Variants in SH3TC2 observed in about 807,000 individuals in gnomAD.
SH3TC2 encodes the protein SH3 domain and tetratricopeptide repeat-containing protein 2.
Under a neutral mutation model 124.5 loss-of-function variants are expected in SH3TC2, and 87 were observed. That is an observed-to-expected ratio of 0.70 (90% confidence interval 0.59 to 0.84). SH3TC2 has a LOEUF of 0.84. Among genes scored for constraint, SH3TC2 ranks in the 40% least tolerant of loss-of-function variants. The pLI is 0.00. For missense variants in SH3TC2, 1,536 were observed against 1,566.4 expected (o/e 0.98, Z 0.33); for synonymous variants, 634 against 628.5 (o/e 1.01, Z -0.13).
At chr5:149,052,324 G>T in intron 1 of SH3TC2, 84 bp from the exon 2 acceptor site, 1 of 1,058,534 alleles carries the variant, frequency 9.4e-7, no homozygotes, top group Non-Finnish European at 1.5e-6. Context: ...TTTTGGTCAA[G>T]TGACAAATTT....
chr5:149,034,039 C>T (rs765111121), intron 8 of SH3TC2, among the ~76,000 whole-genome samples: 13 of 151,586 alleles, frequency 8.6e-5, no homozygotes, highest in Middle Eastern at 3.2e-3. Context: ...ATTAACACTA[C>T]AAAAAACTAG....
At chr5:149,021,300 T>C (rs894749656) in intron 12 of SH3TC2, among the ~76,000 whole-genome samples, 1 of 152,098 alleles carries the variant, frequency 6.6e-6, no homozygotes. Context: ...CAGAGGAACA[T>C]TTATGGCTGT....
intron 9 of SH3TC2, among the ~76,000 whole-genome samples, chr5:149,030,774 C>T (rs1754177110): frequency 6.6e-6 from 1 of 152,264 alleles, no homozygotes; most frequent in South Asian, 2.1e-4. Flanking sequence ...ATCATCTAAT[C>T]TGGCTACACA....
chr5:149,011,032 C>G (rs552555946), intron 13 of SH3TC2, among the ~76,000 whole-genome samples: 5 of 152,296 alleles, frequency 3.3e-5, no homozygotes, highest in African/African-American at 1.2e-4. Flanking sequence ...CTCTAGCAAG[C>G]TATTTTGGAT....
chr5:149,038,569 A>G, intron 7 of SH3TC2, 79 bp from the exon 8 acceptor site: 1 of 1,446,754 alleles, frequency 6.9e-7, no homozygotes, highest in Non-Finnish European at 9.7e-7. Flanking sequence ...GCAATAGAAA[A>G]TGAGGGGTTC....
chr5:148,985,931 C>T lies in SH3TC2; in HGVS notation c.*18780G>A, dbSNP rs1280726104. On this transcript the variant is annotated 3_prime_UTR_variant, in exon 17 of 17. Coordinates refer to ENST00000515425, the MANE Select transcript of SH3TC2 (RefSeq NM_024577.4). Reference sequence around the variant, plus strand: ...AAAGACTTCATGTCTGTGCTGGGAGCAAAGTAACCTATAGATACCACTCGA... The same window carrying T: ...AAAGACTTCATGTCTGTGCTGGGAGTAAAGTAACCTATAGATACCACTCGA... Among the ~76,000 whole-genome samples the T allele has an allele frequency of 1.3e-5, 2 of 152,110 alleles. No homozygotes were observed. Among genetic ancestry groups the T allele is most frequent in the Non-Finnish European group, 2.9e-5 (2 of 68,020 alleles).
intron 1 of SH3TC2, among the ~76,000 whole-genome samples, chr5:149,053,653 T>C (rs995819819): frequency 2.0e-5 from 3 of 152,190 alleles, no homozygotes; most frequent in Non-Finnish European, 4.4e-5. Context: ...ACAAATCAAA[T>C]CTTCCCATAC....
rs1202851913 is a variant in SH3TC2, at chr5:148,994,786, C to T, written c.*9925G>A. Among the ~76,000 whole-genome samples, 1 of 151,480 alleles carries T rather than the reference C, an allele frequency of 6.6e-6. No individual in the cohort carries two copies. The highest frequency in any genetic ancestry group is 1.9e-4 in the East Asian group (1 of 5,164). ...TGAATAGATGGATAACCGTCTGCAT[C>T]CTCTGTCCCAAAGGAGCTAAACTCA... On this transcript the variant is annotated 3_prime_UTR_variant, in exon 17 of 17. Transcript: ENST00000515425.
Position 149,001,593 on chromosome 5 carries a change from A to C in SH3TC2, c.*3118T>G, listed in dbSNP as rs1295504472. 3.3e-5 allele frequency: 5 copies of C among 152,246 alleles called. No homozygotes were observed. The highest frequency in any genetic ancestry group is 3.3e-4 in the Admixed American group (5 of 15,292). The allele number at this position is 152,246 out of a possible 1,614,324, so 9.4% of individuals were successfully genotyped here. A position where few individuals can be genotyped will look rare whatever the true frequency, so the allele number is the denominator to read the frequency against. ...GGAATAGCTGGCCCACATTTCAAAAATGAAAATTTTAAACACTTTTTAAAA... is the reference window on the plus strand; with the variant it reads ...GGAATAGCTGGCCCACATTTCAAAACTGAAAATTTTAAACACTTTTTAAAA... On this transcript the variant is annotated 3_prime_UTR_variant, in exon 17 of 17. Transcript: ENST00000515425.
chr5:149,059,332 G>T (rs1754705820), intron 1 of SH3TC2, among the ~76,000 whole-genome samples: 2 of 152,066 alleles, frequency 1.3e-5, no homozygotes, highest in African/African-American at 4.8e-5. Flanking sequence ...AAAGTCTCGG[G>T]CCTCTGATCA....
chr5:149,018,891 T>G (rs959856707), intron 12 of SH3TC2, among the ~76,000 whole-genome samples: 5 of 152,232 alleles, frequency 3.3e-5, no homozygotes, highest in African/African-American at 1.2e-4. Context: ...GATAAAGTCT[T>G]CCCTGACAGA....
Position 148,990,135 on chromosome 5 carries a change from G to C in SH3TC2, c.*14576C>G, listed in dbSNP as rs1457149273. Among the ~76,000 whole-genome samples, 1 of 152,006 alleles carries C rather than the reference G, an allele frequency of 6.6e-6. No individual in the cohort carries two copies. The highest frequency in any genetic ancestry group is 1.5e-5 in the Non-Finnish European group (1 of 68,008). ...TAGCCCCAAAGTAGGTTTCATGATG[G>C]TATGCTCTGGGTGCGCTAGGCTACT... On this transcript the variant is annotated 3_prime_UTR_variant, in exon 17 of 17. Transcript: ENST00000515425.
intron 12 of SH3TC2, among the ~76,000 whole-genome samples, chr5:149,024,017 T>C (rs1242965148): frequency 6.6e-6 from 1 of 152,154 alleles, no homozygotes; most frequent in African/African-American, 2.4e-5. Flanking sequence ...TGGCTAATAC[T>C]ATATAGGCCA....
In SH3TC2 at chr5:148,997,995, G is replaced by C. The variant is rs1753538210; in HGVS notation, c.*6716C>G. Among the ~76,000 whole-genome samples the C allele has an allele frequency of 6.6e-6, 1 of 152,128 alleles. No homozygotes were observed. The highest frequency in any genetic ancestry group is 1.9e-4 in the East Asian group (1 of 5,196). On this transcript the variant is annotated 3_prime_UTR_variant, in exon 17 of 17. Coordinates refer to ENST00000515425, the MANE Select transcript of SH3TC2 (RefSeq NM_024577.4). The stretch of plus-strand genomic sequence containing the variant: ...CAAATAATACATAGAAAAGAACAAA[G>C]GCTGGAGCCCTCCTGCACTTTTTTA...
At chr5:149,026,406 C>T in intron 12 of SH3TC2, 166 bp downstream of exon 12, 1 of 761,636 alleles carries the variant, frequency 1.3e-6, no homozygotes, top group Non-Finnish European at 2.2e-6. Flanking sequence ...CAAGGCTACA[C>T]CACTAATAAG....
At chr5:149,049,870 AC>A (rs1754527635) in intron 2 of SH3TC2, among the ~76,000 whole-genome samples, 1 of 152,116 alleles carries the variant, frequency 6.6e-6, no homozygotes, top group South Asian at 2.1e-4. Flanking sequence ...TTCAGTAAAC[AC>A]ATTAAGCATT....
chr5:149,049,093 T>A (rs958944229), intron 2 of SH3TC2, among the ~76,000 whole-genome samples: 1 of 152,230 alleles, frequency 6.6e-6, no homozygotes, highest in Non-Finnish European at 1.5e-5. Flanking sequence ...TTAAAAGGCC[T>A]GTCTTTAACC....
chr5:149,050,193 G>A (rs1754532941), intron 2 of SH3TC2, among the ~76,000 whole-genome samples: 1 of 152,222 alleles, frequency 6.6e-6, no homozygotes, highest in African/African-American at 2.4e-5. Flanking sequence ...ACTTAGAGCA[G>A]AACCCCTGTG....
At chr5:149,004,934 C>G in intron 16 of SH3TC2, 32 bp from the exon 17 acceptor site, 1 of 1,612,928 alleles carries the variant, frequency 6.2e-7, no homozygotes, top group Non-Finnish European at 8.5e-7. Flanking sequence ...AAAGAAGAGA[C>G]AGCATTAGCA....
Sources: allele counts gnomAD v4.1 joint callset (sites outside exome capture counted in the v4.1 genomes callset), GRCh38; gene constraint gnomAD v4.1.1; transcripts MANE v1.5; gene names NCBI Gene and HGNC (gene_info 2026-07-23, HGNC 2026-07-21).